Variants in BICD2 observed in about 807,000 individuals in gnomAD.
BICD2 encodes the protein protein bicaudal D homolog 2.
In BICD2, 25 loss-of-function variants were observed where a neutral mutation model predicts 72.9. The ratio of observed to expected loss-of-function variants is 0.34; its 90% CI spans 0.25 to 0.48. The LOEUF is 0.48. Among genes scored for constraint, BICD2 ranks in the 20% least tolerant of loss-of-function variants. BICD2 has a pLI of 0.99. For missense variants in BICD2, 894 were observed against 1,175.2 expected, an observed-to-expected ratio of 0.76 and a Z score of 3.50; for synonymous variants, 501 against 516.1, an observed-to-expected ratio of 0.97 and a Z score of 0.40.
At chr9:92,756,194 G>A (rs1234908847) in intron 1 of BICD2, among the ~76,000 whole-genome samples, 2 of 152,246 alleles carry the variant, frequency 1.3e-5, no homozygotes, top group Middle Eastern at 3.4e-3. Flanking sequence ...ACCAGAATAG[G>A]TGATGACAAT....
At chr9:92,731,670 G>A (rs1853682187) in intron 1 of BICD2, among the ~76,000 whole-genome samples, 1 of 152,166 alleles carries the variant, frequency 6.6e-6, no homozygotes, top group Admixed American at 6.5e-5. Context: ...CCCTGTCAAG[G>A]AGGGACTGGA....
At chr9:92,717,372 G>T (rs559805712) in intron 6 of BICD2, among the ~76,000 whole-genome samples, 62 of 152,354 alleles carry the variant, frequency 4.1e-4, no homozygotes, top group African/African-American at 1.4e-3. Context: ...AATGGAACCG[G>T]CGCCACAGAA....
chr9:92,756,848 C>A (rs1854268620), intron 1 of BICD2, among the ~76,000 whole-genome samples: 1 of 146,526 alleles, frequency 6.8e-6, no homozygotes, highest in African/African-American at 2.5e-5. Context: ...GCCTGGGCAA[C>A]AGAGTGAGAC....
At position 92,751,181 on chromosome 9, in the gene BICD2, T is replaced by C. The variant is rs574950552; in HGVS notation, c.240+13324A>G. ...TTGTTGTTGTTTTGAGACAGAGTCT[T>C]ACTCTGTCCCCCAGGTTGGAATGCA... On this transcript the variant is annotated intron_variant, in intron 1 of 6. Coordinates refer to ENST00000356884, the MANE Select transcript of BICD2 (RefSeq NM_001003800.2). Among the ~76,000 whole-genome samples the C allele has an allele frequency of 5.1e-4, 78 of 151,816 alleles. No homozygotes were observed. The South Asian group carries it at 0.013, about 26-fold the overall frequency.
chr9:92,716,163 C>A (rs1853308426), intron 6 of BICD2, among the ~76,000 whole-genome samples: 1 of 152,090 alleles, frequency 6.6e-6, no homozygotes, highest in Non-Finnish European at 1.5e-5. Flanking sequence ...CTGAGCACAG[C>A]CCCACCCTGC....
intron 1 of BICD2, among the ~76,000 whole-genome samples, chr9:92,732,989 TG>T (rs1853705896): frequency 6.6e-6 from 1 of 152,148 alleles, no homozygotes; most frequent in Non-Finnish European, 1.5e-5. Context: ...TTAGCAGAAA[TG>T]GAAAAGGTGA....
intron 1 of BICD2, among the ~76,000 whole-genome samples, chr9:92,736,066 T>A (rs1853782032): frequency 6.6e-6 from 1 of 152,222 alleles, no homozygotes; most frequent in African/African-American, 2.4e-5. Context: ...AAAATGAGGC[T>A]GAGATCTACT....
chr9:92,751,501 A>G (rs1854149486), intron 1 of BICD2, among the ~76,000 whole-genome samples: 1 of 152,204 alleles, frequency 6.6e-6, no homozygotes, highest in Non-Finnish European at 1.5e-5. Context: ...CAAAAGAATT[A>G]CACAAAAGCA....
intron 1 of BICD2, among the ~76,000 whole-genome samples, chr9:92,758,978 T>C (rs1439843182): frequency 1.3e-5 from 2 of 151,976 alleles, no homozygotes; most frequent in Admixed American, 1.3e-4. Flanking sequence ...GGCAACACAG[T>C]GAGACCCTGA....
Position 92,720,450 on chromosome 9 carries a change from C to A in BICD2, c.912G>T (p.Glu304Asp). The change falls in exon 4 of 7, where the codon GAG becomes GAT. Residue 304 changes from glutamate (E) to aspartate (D), a missense_variant. Physicochemically the swap from Glu to Asp is conservative, Grantham distance 45 (BLOSUM62 2). Coordinates refer to ENST00000356884, the MANE Select transcript of BICD2 (RefSeq NM_001003800.2). This position sits in a 1 kb window ranked among gnomAD's most constrained non-coding sequence, Gnocchi z 5.4. Reference protein sequence around the residue: ...NDAEALVNGFEHGGLAKLPLD... With the variant: ...NDAEALVNGFDHGGLAKLPLD... Reference sequence around the variant, plus strand: ...GTGGCAGCTTGGCCAGGCCGCCGTGCTCAAAGCCATTGACCAGGGCCTCGG... The same window carrying A: ...GTGGCAGCTTGGCCAGGCCGCCGTGATCAAAGCCATTGACCAGGGCCTCGG... 6.2e-7 allele frequency: 1 copy of A among 1,614,214 alleles called. No individual in the cohort carries two copies. Among genetic ancestry groups the A allele is most frequent in the Non-Finnish European group, 8.5e-7 (1 of 1,180,048 alleles).
At chr9:92,757,661 C>G (rs185519774) in intron 1 of BICD2, among the ~76,000 whole-genome samples, 1 of 151,162 alleles carries the variant, frequency 6.6e-6, no homozygotes, top group Non-Finnish European at 1.5e-5. Context: ...AAGCCGAGAT[C>G]GCGCCATTGT....
Position 92,720,690 on chromosome 9 carries a change from G to A in BICD2, c.672C>T (p.Ser224=). 1 of 1,614,196 alleles carries A rather than the reference G, an allele frequency of 6.2e-7. No individual in the cohort carries two copies. Among genetic ancestry groups the A allele is most frequent in the Non-Finnish European group, 8.5e-7 (1 of 1,180,044 alleles). ...TGAGGCGGATGGCATCCTCCAGCTG[G>A]CTGTTGAGGTACTCGGTCTCCTCCT... ...RLEEETEYLN[S]QLEDAIRLKE... is the part of the protein sequence containing the mutation. Residue 224 remains serine, a synonymous_variant, in exon 4 of 7, where the codon AGC becomes AGT. Coordinates refer to ENST00000356884, the MANE Select transcript of BICD2 (RefSeq NM_001003800.2). The surrounding 1 kb of genome is among the most constrained non-coding windows in gnomAD (Gnocchi z 5.4).
intron 1 of BICD2, among the ~76,000 whole-genome samples, chr9:92,762,930 G>A (rs1444189076): frequency 1.3e-5 from 2 of 152,176 alleles, no homozygotes; most frequent in Non-Finnish European, 2.9e-5. Context: ...GAAACTGGCC[G>A]AGTCCACTCC....
At chr9:92,747,415 G>C (rs1028756352) in intron 1 of BICD2, among the ~76,000 whole-genome samples, 3 of 152,140 alleles carry the variant, frequency 2.0e-5, no homozygotes, top group African/African-American at 7.2e-5. Flanking sequence ...TCCCCGCCAG[G>C]CTCCTGGGTG....
chr9:92,735,231 C>G (rs903333733), intron 1 of BICD2, among the ~76,000 whole-genome samples: 5 of 152,182 alleles, frequency 3.3e-5, no homozygotes, highest in African/African-American at 1.2e-4. Flanking sequence ...TGTCCACACC[C>G]ATGTGACTAT....
intron 1 of BICD2, among the ~76,000 whole-genome samples, chr9:92,759,133 T>C (rs562405010): frequency 6.6e-6 from 1 of 152,332 alleles, no homozygotes; most frequent in East Asian, 1.9e-4. Flanking sequence ...CACAGAAACC[T>C]TCCTGTCTTT....
In BICD2 at chr9:92,764,580, G is replaced by C; in HGVS notation, c.165C>G (p.His55Gln). The C allele has an allele frequency of 6.4e-7, 1 of 1,571,252 alleles. No homozygotes were observed. The highest frequency in any genetic ancestry group is 8.6e-7 in the Non-Finnish European group (1 of 1,159,242). The change falls in exon 1 of 7, where the codon CAC becomes CAG. Residue 55 changes from histidine to glutamine, a missense_variant. Physicochemically the swap from His to Gln is conservative, Grantham distance 24 (BLOSUM62 0). Around this residue, in one of 5 missense-constraint regions of BICD2, gnomAD observed 192 missense variants for 243.6 expected, o/e 0.79. Transcript: ENST00000356884. This position sits in a 1 kb window ranked among gnomAD's most constrained non-coding sequence, Gnocchi z 5.5. ...EYGLAVLEEKHQLKLQFEELE... is the reference protein window; with the variant it reads ...EYGLAVLEEKQQLKLQFEELE... ...GCTCCTCGAACTGCAGCTTGAGCTG[G>C]TGCTTCTCCTCGAGCACCGCCAGCC...
At position 92,715,128 on chromosome 9, in the gene BICD2, C is replaced by T. The variant is rs752484097; in HGVS notation, c.*26G>A. On this transcript the variant is annotated 3_prime_UTR_variant, in exon 7 of 7. Transcript: ENST00000356884. Reference sequence around the variant, plus strand: ...TTAGTTGAGGTGAAGCAGATGTTAGCTGCAGCGTGCGGCGCCCCACAGCCC... The same window carrying T: ...TTAGTTGAGGTGAAGCAGATGTTAGTTGCAGCGTGCGGCGCCCCACAGCCC... 7.8e-6 allele frequency: 12 copies of T among 1,542,884 alleles called. No homozygotes were observed. In the South Asian group the frequency reaches 1.4e-4, roughly 18 times the overall value.
At position 92,714,308 on chromosome 9, in the gene BICD2, T is replaced by C; in HGVS notation, c.*846A>G. 3.0e-6 allele frequency: 3 copies of C among 985,480 alleles called. No individual in the cohort carries two copies. The highest frequency in any genetic ancestry group is 3.6e-6 in the Non-Finnish European group (3 of 829,954). The allele number at this position is 985,480 out of a possible 1,614,324, so 61.0% of individuals were successfully genotyped here. ...AACCCCCTATGGAAGGCCGGATAAT[T>C]GGCTGCTGGGGTCACCCCAAGTACA... On this transcript the variant is annotated 3_prime_UTR_variant, in exon 7 of 7. Transcript: ENST00000356884.
Sources: allele counts gnomAD v4.1 joint callset (sites outside exome capture counted in the v4.1 genomes callset), GRCh38; gene constraint gnomAD v4.1.1; regional missense constraint gnomAD v4.1.1; non-coding constraint Gnocchi (gnomAD v3.1); transcripts MANE v1.5; gene names NCBI Gene and HGNC (gene_info 2026-07-23, HGNC 2026-07-21).